Variants in LARP4B observed in about 807,000 individuals in gnomAD.
LARP4B encodes La ribonucleoprotein 4B.
Under a neutral mutation model 89.8 loss-of-function variants are expected in LARP4B, and 12 were observed. That is an observed-to-expected ratio of 0.13 (90% CI 0.09 to 0.22). The LOEUF is 0.22. Ranked by LOEUF, LARP4B falls within the 10% of genes least tolerant of loss-of-function variation. The pLI, the probability that LARP4B is intolerant of heterozygous loss-of-function variation, is 1.00. For synonymous variants in LARP4B, 367 were observed against 363.3 expected (o/e 1.01, Z -0.12); for missense variants, 757 against 947.7 (o/e 0.80, Z 2.64).
chr10:912,551 C>T (rs746232028), intron 1 of LARP4B, among the ~76,000 whole-genome samples: 1 of 151,926 alleles, frequency 6.6e-6, no homozygotes, highest in Admixed American at 6.6e-5. Context: ...GGAAGACCAC[C>T]TATCTAACCA....
At chr10:855,295 C>G (rs542511544) in intron 5 of LARP4B, among the ~76,000 whole-genome samples, 166 of 152,266 alleles carry the variant, frequency 1.1e-3, no homozygotes, top group Middle Eastern at 6.8e-3. Context: ...CTCCAGAGAC[C>G]GAGTTTTCAG....
intron 3 of LARP4B, among the ~76,000 whole-genome samples, chr10:883,621 GT>G (rs1160540610): frequency 6.6e-6 from 1 of 151,426 alleles, no homozygotes; most frequent in East Asian, 1.9e-4. Context: ...GGTGTCTTTT[GT>G]TTTTTTAAAA....
intron 1 of LARP4B, among the ~76,000 whole-genome samples, chr10:908,262 C>G (rs1836549472): frequency 6.6e-6 from 1 of 152,182 alleles, no homozygotes; most frequent in Non-Finnish European, 1.5e-5. Context: ...GATAGCTGAA[C>G]ACATGGAGGT....
At chr10:917,511 A>G (rs1272898757) in intron 1 of LARP4B, among the ~76,000 whole-genome samples, 1 of 152,248 alleles carries the variant, frequency 6.6e-6, no homozygotes, top group Non-Finnish European at 1.5e-5. Context: ...TGGTTTAAAG[A>G]ACAGAGGTTG....
At chr10:873,728 T>C (rs1017986840) in intron 3 of LARP4B, among the ~76,000 whole-genome samples, 2 of 152,114 alleles carry the variant, frequency 1.3e-5, no homozygotes, top group African/African-American at 4.8e-5. Context: ...CAATAAAAAA[T>C]AGTATCTGTA....
At chr10:929,071 C>T (rs1468987765) in intron 1 of LARP4B, among the ~76,000 whole-genome samples, 2 of 152,162 alleles carry the variant, frequency 1.3e-5, no homozygotes, top group Admixed American at 6.5e-5. Flanking sequence ...TTTGCTGCCA[C>T]TTAATTTCAG....
In LARP4B at chr10:848,402, A is replaced by G. The variant is rs12252517; in HGVS notation, c.431-3347T>C. 6.4e-3 allele frequency among the ~76,000 whole-genome samples: 970 copies of G among 152,326 alleles called. 16 individuals carry two copies. The highest frequency in any genetic ancestry group is 0.022 in the African/African-American group (912 of 41,576). On this transcript the variant is annotated intron_variant, in intron 5 of 17. Transcript: ENST00000316157. ...TCTAACCAAAAATTACCATGCATGC[A>G]AAGAAAGAAGCAGGAAGATATGACC... is the stretch of plus-strand genomic sequence containing the variant.
At chr10:980,589 G>T in the LARP4B span, among the ~76,000 whole-genome samples, 25 of 152,330 alleles carry the variant, frequency 1.6e-4, no homozygotes, top group Non-Finnish European at 2.9e-4. Context: ...CAAAGTGGCG[G>T]TCCAAGCTAT....
the LARP4B span, among the ~76,000 whole-genome samples, chr10:948,272 G>A: frequency 4.8e-4 from 73 of 152,332 alleles, no homozygotes; most frequent in Middle Eastern, 3.4e-3. Context: ...GAATAATACA[G>A]AGAGGTCTTG....
intron 8 of LARP4B, among the ~76,000 whole-genome samples, chr10:833,887 CAAAAAAAA>C (rs34834355): frequency 1.3e-5 from 1 of 75,072 alleles, no homozygotes. Flanking sequence ...GATGCCACCT[CAAAAAAAA>C]AAAAAAAAAA....
upstream of LARP4B, among the ~76,000 whole-genome samples, chr10:936,736 C>CA (rs1429374360): frequency 6.6e-6 from 1 of 151,900 alleles, no homozygotes; most frequent in Admixed American, 6.6e-5. Context: ...CAAAAAACAA[C>CA]AAAAAACCAG....
intron 1 of LARP4B, among the ~76,000 whole-genome samples, chr10:914,532 C>T (rs1269444022): frequency 2.0e-5 from 3 of 147,180 alleles, no homozygotes; most frequent in Admixed American, 1.4e-4. Context: ...CGTGGTGGCT[C>T]GCACCCGTAA....
At chr10:845,258 G>A (rs984624320) in intron 5 of LARP4B, among the ~76,000 whole-genome samples, 11 of 152,200 alleles carry the variant, frequency 7.2e-5, no homozygotes, top group African/African-American at 2.6e-4. Context: ...AACAAAAACA[G>A]CACAGTTTAG....
chr10:831,845 A>C (rs1832921176), intron 8 of LARP4B, among the ~76,000 whole-genome samples: 1 of 152,200 alleles, frequency 6.6e-6, no homozygotes, highest in Admixed American at 6.5e-5. Context: ...TAAAACTCCG[A>C]GCATCTCCTC....
intron 1 of LARP4B, among the ~76,000 whole-genome samples, chr10:886,325 C>T (rs1030337947): frequency 3.3e-5 from 5 of 152,206 alleles, no homozygotes; most frequent in Middle Eastern, 3.4e-3. Flanking sequence ...GATAACAGGG[C>T]GTGGAAGAAA....
chr10:835,635 T>C (rs140582246), intron 8 of LARP4B, among the ~76,000 whole-genome samples: 445 of 152,304 alleles, frequency 2.9e-3, no homozygotes, highest in Middle Eastern at 0.014. Flanking sequence ...TAGCAACACA[T>C]AACAGTAAAT....
chr10:988,175 G>T, the LARP4B span: 2 of 344,934 alleles, frequency 5.8e-6, no homozygotes, highest in Non-Finnish European at 1.1e-5. Context: ...CCAGAAACCC[G>T]CAGGGCAGTC....
chr10:959,841 TC>T, the LARP4B span, among the ~76,000 whole-genome samples: 72 of 35,704 alleles, frequency 2.0e-3, no homozygotes, highest in Non-Finnish European at 2.2e-3. Context: ...TCCTCGTCAT[TC>T]CCACCTCCTC....
At chr10:975,754 G>A in the LARP4B span, among the ~76,000 whole-genome samples, 1 of 151,892 alleles carries the variant, frequency 6.6e-6, no homozygotes, top group Admixed American at 6.6e-5. Context: ...CGTAATGTGT[G>A]GACCCAGCCT....
Sources: allele counts gnomAD v4.1 joint callset (sites outside exome capture counted in the v4.1 genomes callset), GRCh38; gene constraint gnomAD v4.1.1; transcripts MANE v1.5; gene names NCBI Gene and HGNC (gene_info 2026-07-23, HGNC 2026-07-21).